The following CREBL2 variants were observed in gnomAD, a reference collection of about 807,000 sequenced individuals.
CREBL2 encodes cAMP-responsive element-binding protein-like 2.
Under a neutral mutation model 19.5 loss-of-function variants are expected in CREBL2, and 4 were observed. The ratio of observed to expected loss-of-function variants is 0.20; its 90% CI spans 0.10 to 0.47. The LOEUF (loss-of-function observed/expected upper bound fraction) is 0.47. CREBL2 is among the 20% of genes least tolerant of loss of function. CREBL2 has a pLI of 0.98. For synonymous variants in CREBL2, 42 were observed against 46.6 expected (o/e 0.90, Z 0.40); for missense variants, 85 against 145.1 (o/e 0.59, Z 2.13).
intron 1 of CREBL2, among the ~76,000 whole-genome samples, chr12:12,616,088 A>G (rs1366474734): frequency 6.6e-6 from 1 of 152,264 alleles, no homozygotes. Context: ...GTAGAAGAAC[A>G]TACTGTTCTT....
chr12:12,633,390 G>A (rs549595186), intron 1 of CREBL2, among the ~76,000 whole-genome samples: 4 of 152,200 alleles, frequency 2.6e-5, no homozygotes, highest in South Asian at 2.1e-4. Flanking sequence ...AGCTGAGATC[G>A]CGCCATTGCA....
intron 1 of CREBL2, 25 bp from the exon 2 acceptor site, chr12:12,635,752 T>C (rs753220138): frequency 1.3e-6 from 2 of 1,582,182 alleles, no homozygotes; most frequent in South Asian, 1.1e-5. Context: ...AAGGAAAAAA[T>C]TATTTCTTCT....
intron 2 of CREBL2, among the ~76,000 whole-genome samples, chr12:12,636,717 A>T (rs1945478224): frequency 1.3e-5 from 2 of 152,220 alleles, no homozygotes. Flanking sequence ...CACTGCACCC[A>T]GCCAAGTGAT....
chr12:12,619,061 G>A (rs1485348553), intron 1 of CREBL2, among the ~76,000 whole-genome samples: 4 of 151,844 alleles, frequency 2.6e-5, no homozygotes, highest in Non-Finnish European at 2.9e-5. Flanking sequence ...AGAGGGAGAG[G>A]AGGGAGAGGG....
intron 3 of CREBL2, among the ~76,000 whole-genome samples, chr12:12,641,264 T>TTA (rs1555174984): frequency 3.8e-5 from 3 of 78,696 alleles, no homozygotes; most frequent in African/African-American, 5.5e-5. Context: ...TTTTTTTTTA[T>TTA]TTTTTTTTTT....
intron 1 of CREBL2, among the ~76,000 whole-genome samples, chr12:12,613,697 A>G (rs1162315661): frequency 6.6e-6 from 1 of 152,126 alleles, no homozygotes; most frequent in Non-Finnish European, 1.5e-5. Flanking sequence ...TCAGGAAGCT[A>G]TCAGCTCATA....
chr12:12,642,947 A>G lies in CREBL2; in HGVS notation c.*949A>G, dbSNP rs1273499417. On this transcript the variant is annotated 3_prime_UTR_variant, in exon 4 of 4. Transcript: ENST00000228865. ...GGAGAATGTTTCTGAAGAAAATTGG[A>G]TGAAATTAGCTGCTGAGATTGAGTT... The G allele has an allele frequency of 6.6e-6, 1 of 152,654 alleles. No homozygotes were observed. The highest frequency in any genetic ancestry group is 2.4e-5 in the African/African-American group (1 of 41,454). The allele number at this position is 152,654 out of a possible 1,614,324, so 9.5% of individuals were successfully genotyped here.
intron 1 of CREBL2, among the ~76,000 whole-genome samples, chr12:12,626,196 G>A (rs1170829053): frequency 8.4e-6 from 1 of 118,542 alleles, no homozygotes; most frequent in African/African-American, 2.7e-5. Context: ...AGAAGCCCCA[G>A]TTAACTCCTA....
In CREBL2 at chr12:12,612,165, C is replaced by T; in HGVS notation, c.-8C>T. Reference sequence around the variant, plus strand: ...GGAGTGCCTGGCCAGGCCGGCCTGTCTGCCGCGATGGATGACAGTAAGGTA... The same window carrying T: ...GGAGTGCCTGGCCAGGCCGGCCTGTTTGCCGCGATGGATGACAGTAAGGTA... On this transcript the variant is annotated 5_prime_UTR_variant, in exon 1 of 4. Transcript: ENST00000228865. The T allele has an allele frequency of 6.2e-7, 1 of 1,612,866 alleles. No individual in the cohort carries two copies.
rs564087976 is a variant in CREBL2, at chr12:12,618,468, C to T, written c.15+6281C>T. On this transcript the variant is annotated intron_variant, in intron 1 of 3. Coordinates refer to ENST00000228865, the MANE Select transcript of CREBL2 (RefSeq NM_001310.4). ...GCAGAGGCGCTCCCCACATCTCAGA[C>T]GTTGGGCGGCCGGGCAGAGACGCTC... Among the ~76,000 whole-genome samples the T allele has an allele frequency of 1.7e-3, 238 of 142,856 alleles. 4 individuals are homozygous for T. Among genetic ancestry groups the T allele is most frequent in the African/African-American group, 5.9e-3 (220 of 36,976 alleles). The allele number at this position is 142,856 out of a possible 152,430, so 93.7% of individuals were successfully genotyped here. A position where few individuals can be genotyped will look rare whatever the true frequency, so the allele number is the denominator to read the frequency against.
At chr12:12,624,119 C>T (rs537959270) in intron 1 of CREBL2, among the ~76,000 whole-genome samples, 2 of 152,228 alleles carry the variant, frequency 1.3e-5, no homozygotes, top group South Asian at 4.2e-4. Flanking sequence ...TTACAGCAGC[C>T]CCAAGAAATG....
intron 1 of CREBL2, among the ~76,000 whole-genome samples, chr12:12,617,143 G>A (rs1945317083): frequency 6.6e-6 from 1 of 152,194 alleles, no homozygotes; most frequent in South Asian, 2.1e-4. Context: ...GTTTCTAGCA[G>A]TGTGCCTAAT....
intron 1 of CREBL2, among the ~76,000 whole-genome samples, chr12:12,613,682 G>A (rs968110010): frequency 1.3e-5 from 2 of 152,162 alleles, no homozygotes; most frequent in Non-Finnish European, 2.9e-5. Context: ...GAAGGGGGGC[G>A]AGTTTCAGGA....
intron 1 of CREBL2, among the ~76,000 whole-genome samples, chr12:12,622,584 G>C (rs376438276): frequency 3.3e-5 from 5 of 152,338 alleles, no homozygotes; most frequent in African/African-American, 9.6e-5. Flanking sequence ...TCTCAGGCTA[G>C]AGATGCCTAC....
chr12:12,637,328 A>C (rs550545265), intron 2 of CREBL2, among the ~76,000 whole-genome samples: 1 of 152,156 alleles, frequency 6.6e-6, no homozygotes, highest in African/African-American at 2.4e-5. Context: ...ACTCCAGTAC[A>C]TCAAAGACAA....
At chr12:12,623,255 G>C (rs1364711448) in intron 1 of CREBL2, among the ~76,000 whole-genome samples, 1 of 151,830 alleles carries the variant, frequency 6.6e-6, no homozygotes, top group African/African-American at 2.4e-5. Flanking sequence ...CTCTGTGCTG[G>C]ATACTATGGG....
intron 1 of CREBL2, chr12:12,614,834 A>G (rs1385246675): frequency 1.5e-5 from 5 of 333,058 alleles, no homozygotes; most frequent in African/African-American, 1.1e-4. Context: ...CAGTTTTGCC[A>G]TAGTAAGATT....
At chr12:12,640,133 G>A (rs920711296) in intron 3 of CREBL2, among the ~76,000 whole-genome samples, 7 of 152,070 alleles carry the variant, frequency 4.6e-5, no homozygotes, top group South Asian at 2.1e-4. Context: ...GCAGAGAAGC[G>A]GTCTGACCAC....
chr12:12,614,653 G>A (rs1018413886), intron 1 of CREBL2: 6 of 290,594 alleles, frequency 2.1e-5, no homozygotes, highest in Non-Finnish European at 4.0e-5. Context: ...AGAGATGAGG[G>A]TCTCACTGGC....
Sources: gnomAD v4.1 joint callset for allele counts (sites outside exome capture counted in the v4.1 genomes callset) on GRCh38, gnomAD v4.1.1 for gene constraint, MANE v1.5 for transcripts, NCBI Gene and HGNC (gene_info 2026-07-23, HGNC 2026-07-21) for gene names.